Variants in CNOT6L observed in about 807,000 individuals in gnomAD.
CNOT6L encodes the protein CCR4-NOT transcription complex subunit 6 like, also known as CCR4-NOT transcription complex subunit 6-like.
CNOT6L carries 7 observed loss-of-function variants against 64.0 expected under a neutral mutation model. That is an observed-to-expected ratio of 0.11 (90% CI 0.06 to 0.21). CNOT6L has a LOEUF of 0.21. Among genes scored for constraint, CNOT6L ranks in the 10% least tolerant of loss-of-function variants. The probability of loss-of-function intolerance (pLI) is 1.00; values close to 1 mark genes in which losing one functional copy is unlikely to be tolerated. For synonymous variants in CNOT6L, 193 were observed against 243.4 expected (o/e 0.79, Z 1.93); for missense variants, 245 against 669.0 (o/e 0.37, Z 6.99).
chr4:77,769,120 C>T (rs764677728), intron 4 of CNOT6L, among the ~76,000 whole-genome samples: 28 of 152,142 alleles, frequency 1.8e-4, no homozygotes, highest in Non-Finnish European at 4.0e-4. Context: ...TATGCATCAA[C>T]ATGGCTGAAT....
intron 1 of CNOT6L, among the ~76,000 whole-genome samples, chr4:77,780,367 T>C (rs1005203609): frequency 3.3e-5 from 5 of 152,234 alleles, no homozygotes; most frequent in South Asian, 2.1e-4. Context: ...ACAACTTACA[T>C]AGATTCTCAA....
chr4:77,732,152 T>C (rs1186139673), intron 8 of CNOT6L, among the ~76,000 whole-genome samples: 1 of 152,104 alleles, frequency 6.6e-6, no homozygotes, highest in Admixed American at 6.6e-5. Flanking sequence ...CAATGGGGTA[T>C]AAGTATTCTG....
intron 1 of CNOT6L, among the ~76,000 whole-genome samples, chr4:77,800,942 C>A (rs924167552): frequency 6.6e-6 from 1 of 152,184 alleles, no homozygotes; most frequent in Non-Finnish European, 1.5e-5. Context: ...AAGAGCTAAC[C>A]CTTAACTTTT....
At chr4:77,819,089 C>T (rs1258497029) in intron 1 of CNOT6L, 11 of 867,638 alleles carry the variant, frequency 1.3e-5, no homozygotes, top group Non-Finnish European at 1.9e-5. Flanking sequence ...GGAACCTTCG[C>T]CCGCCTCTGA....
At chr4:77,763,637 CT>C (rs1393322355) in intron 4 of CNOT6L, among the ~76,000 whole-genome samples, 1 of 152,088 alleles carries the variant, frequency 6.6e-6, no homozygotes, top group Non-Finnish European at 1.5e-5. Context: ...AGAAATACAA[CT>C]TACAAATTGA....
chr4:77,743,586 C>CTTTTTTTTTT (rs142888128), intron 7 of CNOT6L, among the ~76,000 whole-genome samples: 3 of 70,890 alleles, frequency 4.2e-5, no homozygotes, highest in African/African-American at 6.8e-5. Context: ...TAACACACAA[C>CTTTTTTTTTT]TTTTTTTTTT....
chr4:77,770,072 G>A (rs1381604991), intron 4 of CNOT6L, among the ~76,000 whole-genome samples: 6 of 151,930 alleles, frequency 3.9e-5, no homozygotes, highest in South Asian at 4.2e-4. Flanking sequence ...CTAGACTGGC[G>A]GTGTCTGTGT....
intron 1 of CNOT6L, among the ~76,000 whole-genome samples, chr4:77,786,054 G>C (rs1340914900): frequency 1.3e-5 from 2 of 151,936 alleles, no homozygotes; most frequent in Non-Finnish European, 2.9e-5. Context: ...GCCAAGGAGA[G>C]TGGATCACCT....
At chr4:77,756,221 G>T (rs1725567203) in intron 5 of CNOT6L, among the ~76,000 whole-genome samples, 1 of 152,152 alleles carries the variant, frequency 6.6e-6, no homozygotes, top group South Asian at 2.1e-4. Context: ...CAGAACTCCT[G>T]ACCTCAGGTG....
At chr4:77,816,578 G>A (rs1733603504) in intron 1 of CNOT6L, among the ~76,000 whole-genome samples, 1 of 152,012 alleles carries the variant, frequency 6.6e-6, no homozygotes, top group South Asian at 2.1e-4. Flanking sequence ...CCCATCCTGT[G>A]ACTCTTACCT....
Position 77,774,776 on chromosome 4 carries a change from TACA to T in CNOT6L, c.128-63_128-61del, listed in dbSNP as rs371059787. Reference sequence around the variant, plus strand: ...CCCAGGCCCAAGATGACACCTAAACTACAACGACTGAAAAGTGGTAAGAGAGGC... The same window carrying T: ...CCCAGGCCCAAGATGACACCTAAACTACGACTGAAAAGTGGTAAGAGAGGC... On this transcript the variant is annotated intron_variant, in intron 2 of 11. Coordinates refer to ENST00000504123, the MANE Select transcript of CNOT6L (RefSeq NM_144571.3). 4.6e-6 allele frequency: 5 copies of T among 1,084,220 alleles called. No individual in the cohort carries two copies. In the African/African-American group the frequency reaches 4.9e-5, roughly 11 times the overall value. 67.2% of individuals were successfully genotyped at this position (1,084,220 alleles called of 1,614,324 possible). A position where few individuals can be genotyped will look rare whatever the true frequency, so the allele number is the denominator to read the frequency against.
At chr4:77,753,827 A>C (rs780143410) in intron 5 of CNOT6L, among the ~76,000 whole-genome samples, 65 of 151,744 alleles carry the variant, frequency 4.3e-4, no homozygotes, top group Middle Eastern at 3.2e-3. Context: ...TATAATTACC[A>C]TATTAAAGGA....
Position 77,750,735 on chromosome 4 carries a change from T to C in CNOT6L, c.491-2351A>G, listed in dbSNP as rs529836380. ...GACAAAACAAAGAAATAAAGAGTTA[T>C]ATGGGCTACTATCACATACAATAAA... On this transcript the variant is annotated intron_variant, in intron 5 of 11. Coordinates refer to ENST00000504123, the MANE Select transcript of CNOT6L (RefSeq NM_144571.3). Among the ~76,000 whole-genome samples, 3 of 152,316 alleles carry C rather than the reference T, an allele frequency of 2.0e-5. No homozygotes were observed. The East Asian group carries it at 5.8e-4, about 29-fold the overall frequency.
chr4:77,818,151 C>T (rs773323652), intron 1 of CNOT6L, among the ~76,000 whole-genome samples: 15 of 152,174 alleles, frequency 9.9e-5, no homozygotes, highest in Non-Finnish European at 2.1e-4. Flanking sequence ...TAACTAGAGG[C>T]AATACGGTAA....
chr4:77,819,075 C>CACACACACA lies in CNOT6L; in HGVS notation c.5+228_5+229insTGTGTGTGT, dbSNP rs71214371. The CACACACACA allele has an allele frequency of 1.6e-3, 1,139 of 731,852 alleles. 1 individual carries two copies. The highest frequency in any genetic ancestry group is 2.6e-3 in the Admixed American group (127 of 48,074). 45.3% of individuals were successfully genotyped at this position (731,852 alleles called of 1,614,324 possible). On this transcript the variant is annotated intron_variant, in intron 1 of 11. Transcript: ENST00000504123. ...ACACACACACACACACACACACACACCCCGGAACCTTCGCCCGCCTCTGAA... is the reference window on the plus strand; with the variant it reads ...ACACACACACACACACACACACACACACACACACACCCGGAACCTTCGCCCGCCTCTGAA...
rs1450002189 is a variant in CNOT6L, at chr4:77,716,924, C to T, written c.*3507G>A. On this transcript the variant is annotated 3_prime_UTR_variant, in exon 12 of 12. Transcript: ENST00000504123. ...ATGGGAGGGGAGGAAAAGCTGGTCTCAGAACCCATTGTGCCATACCTGACT... is the reference window on the plus strand; with the variant it reads ...ATGGGAGGGGAGGAAAAGCTGGTCTTAGAACCCATTGTGCCATACCTGACT... 1.3e-5 allele frequency: 2 copies of T among 152,504 alleles called. No homozygotes were observed. Among genetic ancestry groups the T allele is most frequent in the African/African-American group, 4.8e-5 (2 of 41,414 alleles). 9.4% of individuals were successfully genotyped at this position (152,504 alleles called of 1,614,324 possible).
intron 3 of CNOT6L, among the ~76,000 whole-genome samples, chr4:77,774,071 T>C (rs962781685): frequency 6.6e-6 from 1 of 152,198 alleles, no homozygotes; most frequent in Non-Finnish European, 1.5e-5. Context: ...TTTTTTAGAA[T>C]TTCTTTAGGG....
At chr4:77,789,256 A>C (rs924551077) in intron 1 of CNOT6L, among the ~76,000 whole-genome samples, 2 of 151,974 alleles carry the variant, frequency 1.3e-5, no homozygotes, top group Non-Finnish European at 2.9e-5. Context: ...GGAAAAACTT[A>C]AGATATCCTA....
At chr4:77,736,729 C>G (rs1159078275) in intron 8 of CNOT6L, among the ~76,000 whole-genome samples, 1 of 151,850 alleles carries the variant, frequency 6.6e-6, no homozygotes, top group Non-Finnish European at 1.5e-5. Flanking sequence ...ATTAGTTTAC[C>G]ATTCATACTC....
Sources: allele counts gnomAD v4.1 joint callset (sites outside exome capture counted in the v4.1 genomes callset), GRCh38; gene constraint gnomAD v4.1.1; transcripts MANE v1.5; gene names NCBI Gene and HGNC (gene_info 2026-07-23, HGNC 2026-07-21).